The following ANKS1B variants were observed in gnomAD, a reference collection of about 807,000 sequenced individuals.
ANKS1B encodes the protein ankyrin repeat and sterile alpha motif domain containing 1B.
A neutral mutation model predicts 148.3 loss-of-function variants in ANKS1B; 36 were observed. The observed-to-expected ratio is 0.24, with a 90% CI of 0.19 to 0.32. The LOEUF (loss-of-function observed/expected upper bound fraction) is 0.32, where lower values mean the gene tolerates loss of function less well. ANKS1B is among the 10% of genes least tolerant of loss of function. The pLI is 1.00. For missense variants in ANKS1B, 1,157 were observed against 1,542.6 expected (o/e 0.75, Z 4.19); for synonymous variants, 542 against 560.8 (o/e 0.97, Z 0.47).
chr12:98,795,369 C>T (rs1262542488), intron 22 of ANKS1B, among the ~76,000 whole-genome samples: 1 of 152,166 alleles, frequency 6.6e-6, no homozygotes, highest in Non-Finnish European at 1.5e-5. Context: ...CTGTTTTGAG[C>T]TGGTTTAACC....
intron 15 of ANKS1B, among the ~76,000 whole-genome samples, chr12:99,152,500 T>C (rs1469986549): frequency 6.6e-6 from 1 of 152,184 alleles, no homozygotes; most frequent in African/African-American, 2.4e-5. Context: ...TGCTTATACA[T>C]GATTCATTCA....
intron 9 of ANKS1B, among the ~76,000 whole-genome samples, chr12:99,582,455 A>G (rs2097580025): frequency 6.6e-6 from 1 of 152,188 alleles, no homozygotes; most frequent in African/African-American, 2.4e-5. Flanking sequence ...ATGTTCATCG[A>G]CTGATCAATC....
At chr12:99,378,279 T>G (rs889986626) in intron 12 of ANKS1B, among the ~76,000 whole-genome samples, 2 of 152,152 alleles carry the variant, frequency 1.3e-5, no homozygotes, top group Admixed American at 1.3e-4. Context: ...GACTGTGGCT[T>G]TTGTTTAATG....
intron 15 of ANKS1B, among the ~76,000 whole-genome samples, chr12:99,143,832 A>G (rs1314772284): frequency 6.6e-6 from 1 of 152,028 alleles, no homozygotes; most frequent in African/African-American, 2.4e-5. Flanking sequence ...CATCCACCCA[A>G]GATCAAGGAA....
intron 14 of ANKS1B, among the ~76,000 whole-genome samples, chr12:99,208,718 G>A (rs181951146): frequency 4.7e-4 from 72 of 152,226 alleles, no homozygotes; most frequent in Admixed American, 9.2e-4. Context: ...CAAGCAGAGC[G>A]AGATTTACTT....
intron 16 of ANKS1B, among the ~76,000 whole-genome samples, chr12:99,083,484 T>C (rs2050553975): frequency 6.6e-6 from 1 of 152,146 alleles, no homozygotes. Flanking sequence ...ACAGAATAAA[T>C]TTCAAATTCC....
intron 16 of ANKS1B, among the ~76,000 whole-genome samples, chr12:99,061,986 G>A (rs912291096): frequency 6.6e-6 from 1 of 152,180 alleles, no homozygotes; most frequent in African/African-American, 2.4e-5. Flanking sequence ...AAATGGTGGT[G>A]TTACCAGGTA....
At chr12:99,553,372 T>C (rs2097243171) in intron 9 of ANKS1B, among the ~76,000 whole-genome samples, 2 of 152,184 alleles carry the variant, frequency 1.3e-5, no homozygotes, top group Admixed American at 1.3e-4. Flanking sequence ...ACATCTCATT[T>C]AAGGTCCTTA....
At chr12:99,023,765 A>AT (rs1169580448) in intron 17 of ANKS1B, among the ~76,000 whole-genome samples, 1 of 151,076 alleles carries the variant, frequency 6.6e-6, no homozygotes, top group Non-Finnish European at 1.5e-5. Flanking sequence ...ACATATCTAT[A>AT]TACCTCTCTG....
At chr12:98,842,089 T>C (rs2099409855) in intron 17 of ANKS1B, among the ~76,000 whole-genome samples, 1 of 152,154 alleles carries the variant, frequency 6.6e-6, no homozygotes, top group Non-Finnish European at 1.5e-5. Context: ...TAGCTAAAAA[T>C]GAATACATAT....
At chr12:99,963,151 T>C (rs2095439502) in intron 1 of ANKS1B, among the ~76,000 whole-genome samples, 1 of 152,206 alleles carries the variant, frequency 6.6e-6, no homozygotes, top group Non-Finnish European at 1.5e-5. Flanking sequence ...GCCACGTAAA[T>C]GTCTTCTTTT....
intron 12 of ANKS1B, among the ~76,000 whole-genome samples, chr12:99,278,102 C>T (rs143570090): frequency 0.013 from 2,034 of 152,276 alleles, 21 homozygotes; most frequent in Middle Eastern, 0.037. Flanking sequence ...AGAATGGAGC[C>T]GCTGTGTTGC....
At chr12:99,931,276 G>C (rs1419126659) in intron 1 of ANKS1B, among the ~76,000 whole-genome samples, 1 of 151,960 alleles carries the variant, frequency 6.6e-6, no homozygotes, top group African/African-American at 2.4e-5. Context: ...CACCAACGTG[G>C]CACATGTATA....
intron 8 of ANKS1B, among the ~76,000 whole-genome samples, chr12:99,688,211 T>G (rs2098660326): frequency 6.6e-6 from 1 of 152,222 alleles, no homozygotes; most frequent in Non-Finnish European, 1.5e-5. Flanking sequence ...CCTCACTGTG[T>G]GCAGTTCCCA....
intron 10 of ANKS1B, among the ~76,000 whole-genome samples, chr12:99,456,168 GA>G (rs2095844790): frequency 6.6e-6 from 1 of 152,058 alleles, no homozygotes; most frequent in Non-Finnish European, 1.5e-5. Context: ...AGATTCAGAA[GA>G]AAAATAACAG....
intron 19 of ANKS1B, among the ~76,000 whole-genome samples, chr12:98,819,522 G>T (rs2099167415): frequency 6.6e-6 from 1 of 152,180 alleles, no homozygotes; most frequent in Non-Finnish European, 1.5e-5. Context: ...GAGTTATAGG[G>T]AGGCTTATTT....
In ANKS1B at chr12:99,769,682, G is replaced by C. The variant is rs185321711; in HGVS notation, c.1128+3240C>G. Among the ~76,000 whole-genome samples the C allele has an allele frequency of 1.7e-4, 26 of 152,260 alleles. No individual in the cohort carries two copies. The East Asian group carries it at 3.9e-3, about 23-fold the overall frequency. ...GCATGAAACTGGGAAAGTCATAAAA[G>C]CTCCCTGTATGGAGAAATAATACTA... On this transcript the variant is annotated intron_variant, in intron 8 of 26. Transcript: ENST00000683438.
At chr12:99,327,426 G>A (rs1446040614) in intron 12 of ANKS1B, among the ~76,000 whole-genome samples, 2 of 112,982 alleles carry the variant, frequency 1.8e-5, no homozygotes, top group Admixed American at 1.0e-4. Context: ...ATATTATATT[G>A]TCTATAAATT....
At chr12:99,893,570 TA>T (rs1194710426) in intron 1 of ANKS1B, among the ~76,000 whole-genome samples, 2 of 152,054 alleles carry the variant, frequency 1.3e-5, no homozygotes, top group Non-Finnish European at 2.9e-5. Context: ...CTTGTTTTAT[TA>T]AAAAAAGAAA....
Sources: gnomAD v4.1 joint callset for allele counts (sites outside exome capture counted in the v4.1 genomes callset) on GRCh38, gnomAD v4.1.1 for gene constraint, MANE v1.5 for transcripts, NCBI Gene and HGNC (gene_info 2026-07-23, HGNC 2026-07-21) for gene names.